ZNF615: variants seen among roughly 807,000 people sequenced by gnomAD.
The protein encoded by ZNF615 is zinc finger protein 615.
In ZNF615, 15 loss-of-function variants were observed where a neutral mutation model predicts 15.3. The ratio of observed to expected loss-of-function variants is 0.98; its 90% CI spans 0.66 to 1.51. The LOEUF (loss-of-function observed/expected upper bound fraction) is 1.51, where lower values mean the gene tolerates loss of function less well. Among genes scored for constraint, ZNF615 ranks in the 40% most tolerant of loss-of-function variants. ZNF615 has a pLI of 0.00. For missense variants in ZNF615, 848 were observed against 895.9 expected (o/e 0.95, Z 0.68); for synonymous variants, 268 against 294.6 (o/e 0.91, Z 0.92).
intron 2 of ZNF615, among the ~76,000 whole-genome samples, chr19:52,005,303 A>C (rs2123086430): frequency 6.6e-6 from 1 of 152,346 alleles, no homozygotes; most frequent in South Asian, 2.1e-4. Context: ...GGAGGATGGC[A>C]AATGAAAACG....
chr19:51,994,944 C>T, intron 6 of ZNF615, 107 bp from the exon 7 acceptor site: 2 of 1,041,348 alleles, frequency 1.9e-6, no homozygotes. Context: ...TTAGTGAAAA[C>T]CCTATTTTAT....
Position 52,008,156 on chromosome 19 carries a change from G to T in ZNF615, c.-243C>A. 1 of 1,535,606 alleles carries T rather than the reference G, an allele frequency of 6.5e-7. No individual in the cohort carries two copies. Among genetic ancestry groups the T allele is most frequent in the South Asian group, 1.2e-5 (1 of 84,054 alleles). On this transcript the variant is annotated 5_prime_UTR_variant, in exon 1 of 7. Transcript: ENST00000598071. ...CTGAACTTACTTCCCAGAACTTGGTGGGCTCCGGCCTCATCTCTCGGCCTC... is the reference window on the plus strand; with the variant it reads ...CTGAACTTACTTCCCAGAACTTGGTTGGCTCCGGCCTCATCTCTCGGCCTC...
chr19:52,000,346 C>A lies in ZNF615; in HGVS notation c.271G>T (p.Glu91Ter). ...CAGGCAATATATCCATGAGACAAAC[C>A]TGCATATGCACCTCCTGATGCACCT... The part of the protein sequence containing the change: ...SGGASGGAYA[E>*]IRKIDDPLQH... Residue 91 changes from glutamate to a stop codon, truncating the protein, a stop_gained and splice_region_variant, in exon 6 of 7, where the codon GAA becomes TAA. Coordinates refer to ENST00000598071, the MANE Select transcript of ZNF615 (RefSeq NM_001199324.2). LOFTEE classifies it low-confidence loss of function (END_TRUNC). 1 of 633,194 alleles carries A rather than the reference C, an allele frequency of 1.6e-6. No individual in the cohort carries two copies. The highest frequency in any genetic ancestry group is 1.9e-5 in the South Asian group (1 of 53,694). 39.2% of individuals were successfully genotyped at this position (633,194 alleles called of 1,614,324 possible).
chr19:51,993,659 C>T lies in ZNF615; in HGVS notation c.1450G>A (p.Val484Ile). 1.2e-6 allele frequency: 2 copies of T among 1,613,932 alleles called. No homozygotes were observed. Among genetic ancestry groups the T allele is most frequent in the Non-Finnish European group, 1.7e-6 (2 of 1,179,988 alleles). Reference protein sequence around the residue: ...KGFTMKSDLIVHQRTHTAEKP... With the variant: ...KGFTMKSDLIIHQRTHTAEKP... ...TCTGCAGTATGAGTTCGCTGATGTA[C>T]AATGAGGTCACTCTTCATGGTGAAA... Residue 484 changes from valine (V) to isoleucine (I), a missense_variant, in exon 7 of 7, where the codon GTA (valine) becomes ATA (isoleucine). By Grantham distance (29) the Val-to-Ile change is conservative. Transcript: ENST00000598071.
In ZNF615 at chr19:51,993,288, A is replaced by G. The variant is rs1341052959; in HGVS notation, c.1821T>C (p.Tyr607=). 2 of 1,614,178 alleles carry G rather than the reference A, an allele frequency of 1.2e-6. No homozygotes were observed. Among genetic ancestry groups the G allele is most frequent in the South Asian group, 1.1e-5 (1 of 91,082 alleles). The change falls in exon 7 of 7, where the codon TAT becomes TAC. Residue 607 remains tyrosine (Y), a synonymous_variant. Transcript: ENST00000598071. ...AGCCCTTTCCACATTCATTGCATAT[A>G]TAAGGTTTCTCCCCAGTATGAGTTC... ...HQRTHTGEKP[Y]ICNECGKGFT...
rs1434696818 is a variant in ZNF615 at position 52,002,235 on chromosome 19, T to TC, written c.61dup (p.Glu21GlyfsTer52). On this transcript the variant is annotated frameshift_variant, in exon 4 of 7. Transcript: ENST00000598071. LOFTEE classifies it high-confidence loss of function. ...CTGAGCAGGGCTCAGGAACTGCCAC[T>TC]CCTCCCAGGTGAAGTCCACAGCCAC... The TC allele has an allele frequency of 1.2e-6, 2 of 1,614,066 alleles. No homozygotes were observed. The highest frequency in any genetic ancestry group is 2.7e-5 in the African/African-American group (2 of 74,906).
At chr19:52,000,410 T>C in intron 5 of ZNF615, 32 bp from the exon 6 acceptor site, 2 of 612,824 alleles carry the variant, frequency 3.3e-6, no homozygotes, top group Admixed American at 2.4e-5. Context: ...TAAAATAAAA[T>C]TAAAAAAATA....
rs184513066 is a variant in ZNF615 at position 51,991,832 on chromosome 19, A to G, written c.*1048T>C. The G allele has an allele frequency of 2.0e-5, 3 of 152,234 alleles. No individual in the cohort carries two copies. The highest frequency in any genetic ancestry group is 4.2e-4 in the South Asian group (2 of 4,818). 9.4% of individuals were successfully genotyped at this position (152,234 alleles called of 1,614,324 possible). A position where few individuals can be genotyped will look rare whatever the true frequency, so the allele number is the denominator to read the frequency against. On this transcript the variant is annotated 3_prime_UTR_variant, in exon 7 of 7. Coordinates refer to ENST00000598071, the MANE Select transcript of ZNF615 (RefSeq NM_001199324.2). ...TTCTGTAGTTAACAGTATTGTAACA[A>G]TTTCACTTTCCTGTATTTGGTAATG... is the stretch of plus-strand genomic sequence containing the variant.
rs149778802 is a variant in ZNF615 at position 51,997,195 on chromosome 19, C to T, written c.272-2358G>A. ...TAGCTGGGTGTGGTGGCATGTAGTCCCAGCTAGGCTAAAGTGGGAGGATCA... is the reference window on the plus strand; with the variant it reads ...TAGCTGGGTGTGGTGGCATGTAGTCTCAGCTAGGCTAAAGTGGGAGGATCA... On this transcript the variant is annotated intron_variant, in intron 6 of 6. Coordinates refer to ENST00000598071, the MANE Select transcript of ZNF615 (RefSeq NM_001199324.2). 2.2e-4 allele frequency among the ~76,000 whole-genome samples: 33 copies of T among 151,962 alleles called. No homozygotes were observed. The East Asian group carries it at 6.0e-3, about 28-fold the overall frequency.
chr19:51,994,246 A>G lies in ZNF615; in HGVS notation c.863T>C (p.Ile288Thr), dbSNP rs762673279. The change falls in exon 7 of 7, where the codon ATA (isoleucine) becomes ACA (threonine). Residue 288 changes from isoleucine to threonine, a missense_variant. Ile to Thr is a moderately conservative substitution (Grantham distance 89). Coordinates refer to ENST00000598071, the MANE Select transcript of ZNF615 (RefSeq NM_001199324.2). The stretch of plus-strand genomic sequence containing the variant: ...CCCTCCCATATGAGTTTTCTGATGT[A>G]TATTGAGCTGTGATTTCTTGAGGAA... ...KTFLKKSQLN[I>T]HQKTHMGGKP... 1 of 1,614,048 alleles carries G rather than the reference A, an allele frequency of 6.2e-7. No homozygotes were observed. Among genetic ancestry groups the G allele is most frequent in the Non-Finnish European group, 8.5e-7 (1 of 1,180,014 alleles).
At position 51,993,509 on chromosome 19, in the gene ZNF615, C is replaced by T; in HGVS notation, c.1600G>A (p.Ala534Thr). ...VCGECGKGFP[A>T]KIRLMGHQRT... ...TGATGTCCCATTAGCCGGATCTTTG[C>T]TGGAAAGCCTTTTCCACACTCACCA... is the stretch of plus-strand genomic sequence containing the variant. The change falls in exon 7 of 7, where the codon GCA becomes ACA. Residue 534 changes from alanine to threonine, a missense_variant. By Grantham distance (58) the Ala-to-Thr change is moderately conservative. Transcript: ENST00000598071. The T allele has an allele frequency of 6.2e-7, 1 of 1,611,564 alleles. No individual in the cohort carries two copies. Among genetic ancestry groups the T allele is most frequent in the Non-Finnish European group, 8.5e-7 (1 of 1,179,218 alleles).
At chr19:51,995,344 T>A (rs1599986329) in intron 6 of ZNF615, among the ~76,000 whole-genome samples, 1 of 152,240 alleles carries the variant, frequency 6.6e-6, no homozygotes, top group African/African-American at 2.4e-5. Flanking sequence ...TCTAAATAGG[T>A]CTTTATACAA....
At chr19:51,999,943 C>G (rs1555771961) in intron 6 of ZNF615, among the ~76,000 whole-genome samples, 5 of 152,088 alleles carry the variant, frequency 3.3e-5, no homozygotes, top group Non-Finnish European at 7.4e-5. Context: ...CAGCCTGCAG[C>G]ACGATTCACA....
chr19:51,995,997 A>G (rs2086414238), intron 6 of ZNF615, among the ~76,000 whole-genome samples: 1 of 152,216 alleles, frequency 6.6e-6, no homozygotes, highest in African/African-American at 2.4e-5. Flanking sequence ...GGAGAAAATC[A>G]AGATATAGTT....
intron 6 of ZNF615, among the ~76,000 whole-genome samples, chr19:51,998,093 T>C (rs1196515309): frequency 6.6e-6 from 1 of 152,220 alleles, no homozygotes; most frequent in Non-Finnish European, 1.5e-5. Context: ...ATCTATCAAA[T>C]AAATTAGTTA....
rs777639224 is a variant in ZNF615 at position 52,003,698 on chromosome 19, T to G, written c.14A>C (p.Gln5Pro). The G allele has an allele frequency of 3.7e-6, 6 of 1,612,672 alleles. No individual in the cohort carries two copies. The Admixed American group carries it at 1.0e-4, about 27-fold the overall frequency. ...AGAATAAAACAAACCAAAAGTCACC[T>G]GGGCCTGCATCATTGTCTCCTAAAT... MMQAQESLTLEDVAV... is the reference protein window; with the variant it reads MMQAPESLTLEDVAV... Residue 5 changes from glutamine to proline, a missense_variant and splice_region_variant, in exon 3 of 7, where the codon CAG (glutamine) becomes CCG (proline). Coordinates refer to ENST00000598071, the MANE Select transcript of ZNF615 (RefSeq NM_001199324.2).
At chr19:52,002,526 GA>G in intron 3 of ZNF615, 2 of 585,420 alleles carry the variant, frequency 3.4e-6, no homozygotes, top group Non-Finnish European at 6.4e-6. Context: ...TCTTGCTAAT[GA>G]AAGAACATCT....
At chr19:52,003,629 C>A in intron 3 of ZNF615, 68 bp downstream of exon 3, 1 of 1,450,096 alleles carries the variant, frequency 6.9e-7, no homozygotes, top group South Asian at 1.2e-5. Flanking sequence ...ATTAATTACC[C>A]TGATTTTTAC....
chr19:51,995,564 C>CTTCTTT (rs1568499475), intron 6 of ZNF615, among the ~76,000 whole-genome samples: 1 of 135,542 alleles, frequency 7.4e-6, no homozygotes, highest in Non-Finnish European at 1.6e-5. Context: ...AAACACCTTC[C>CTTCTTT]TTTTTTTTTT....
Sources: allele counts gnomAD v4.1 joint callset (sites outside exome capture counted in the v4.1 genomes callset), GRCh38; gene constraint gnomAD v4.1.1; transcripts MANE v1.5; gene names NCBI Gene and HGNC (gene_info 2026-07-23, HGNC 2026-07-21).